Variants in CEP78 observed in about 807,000 individuals in gnomAD.
CEP78 encodes centrosomal protein 78, also known as centrosomal protein of 78 kDa.
A neutral mutation model predicts 81.2 loss-of-function variants in CEP78; 76 were observed. The observed-to-expected ratio is 0.94, with a 90% CI of 0.78 to 1.13. The LOEUF is 1.13. Among genes scored for constraint, CEP78 ranks in the 50% most tolerant of loss-of-function variants. The probability of loss-of-function intolerance (pLI) is 0.00; values close to 1 mark genes in which losing one functional copy is unlikely to be tolerated. For missense variants in CEP78, 918 were observed against 846.8 expected (o/e 1.08, Z -1.04); for synonymous variants, 293 against 301.4 (o/e 0.97, Z 0.29).
chr9:78,264,241 A>G lies in CEP78; in HGVS notation c.1550A>G (p.Asp517Gly), dbSNP rs780497087. Residue 517 changes from aspartate to glycine, a missense_variant, in exon 13 of 17, where the codon GAT becomes GGT. Physicochemically the swap from Asp to Gly is moderately conservative, Grantham distance 94 (BLOSUM62 -1). Transcript: ENST00000643273. ...TCATTGACAAATATGATCCTGGATG[A>G]TGAAGGTGTTTTGGGCAGCATTGAG... ...AQSLTNMILD[D>G]EGVLGSIENS... The G allele has an allele frequency of 2.5e-6, 4 of 1,611,696 alleles. No individual in the cohort carries two copies. Among genetic ancestry groups the G allele is most frequent in the African/African-American group, 1.3e-5 (1 of 74,664 alleles).
intron 5 of CEP78, 95 bp downstream of exon 5, chr9:78,243,731 TAA>T: frequency 2.2e-6 from 2 of 915,962 alleles, no homozygotes; most frequent in Non-Finnish European, 3.1e-6. Flanking sequence ...GAAGGTTTTT[TAA>T]AAAGCCTCTT....
Position 78,262,901 on chromosome 9 carries a change from T to C in CEP78, c.1381-6T>C. On this transcript the variant is annotated splice_region_variant and splice_polypyrimidine_tract_variant and intron_variant, in intron 11 of 16. Transcript: ENST00000643273. ...TTATAATATTTACTTTATTACTTAA[T>C]ACTAGGAAAAACTGGAGGAGTGCCT... is the stretch of plus-strand genomic sequence containing the variant. 6.7e-7 allele frequency: 1 copy of C among 1,489,146 alleles called. No homozygotes were observed. The highest frequency in any genetic ancestry group is 9.1e-7 in the Non-Finnish European group (1 of 1,099,488). 92.2% of individuals were successfully genotyped at this position (1,489,146 alleles called of 1,614,324 possible). A position where few individuals can be genotyped will look rare whatever the true frequency, so the allele number is the denominator to read the frequency against.
Position 78,279,302 on chromosome 9 carries a change from T to C in CEP78, c.*8451T>C, listed in dbSNP as rs1827861204. ...GATAATCCTAGCTTAAATGATAAAA[T>C]TTGAGTAGAGTTTGAAAACACTAAA... is the stretch of plus-strand genomic sequence containing the variant. On this transcript the variant is annotated 3_prime_UTR_variant, in exon 17 of 17. Coordinates refer to ENST00000643273, the MANE Select transcript of CEP78 (RefSeq NM_001330691.3). 6.6e-6 allele frequency: 1 copy of C among 152,162 alleles called. No individual in the cohort carries two copies. Among genetic ancestry groups the C allele is most frequent in the Admixed American group, 6.5e-5 (1 of 15,280 alleles). 9.4% of individuals were successfully genotyped at this position (152,162 alleles called of 1,614,324 possible).
In CEP78 at chr9:78,265,881, C is replaced by G. The variant is rs1336846631; in HGVS notation, c.1820C>G (p.Ala607Gly). The G allele has an allele frequency of 2.9e-6, 4 of 1,399,676 alleles. No individual in the cohort carries two copies. The highest frequency in any genetic ancestry group is 2.9e-5 in the African/African-American group (2 of 70,022). The allele number at this position is 1,399,676 out of a possible 1,614,324, so 86.7% of individuals were successfully genotyped here. A position where few individuals can be genotyped will look rare whatever the true frequency, so the allele number is the denominator to read the frequency against. The change falls in exon 15 of 17, where the codon GCT becomes GGT. Residue 607 changes from alanine to glycine, a missense_variant. Transcript: ENST00000643273. ...TAGGTTTCTATTTGTATGCAGTCAGCTTACAATGAAGGAACACTAATGAAG... is the reference window on the plus strand; with the variant it reads ...TAGGTTTCTATTTGTATGCAGTCAGGTTACAATGAAGGAACACTAATGAAG... Reference protein sequence around the residue: ...NIQVSICMQSAYNEGTLMKFQ... With the variant: ...NIQVSICMQSGYNEGTLMKFQ...
intron 5 of CEP78, among the ~76,000 whole-genome samples, chr9:78,244,403 C>T (rs1826384758): frequency 6.6e-6 from 1 of 152,116 alleles, no homozygotes; most frequent in African/African-American, 2.4e-5. Flanking sequence ...GCTGGGATTC[C>T]AGGCATGAGC....
rs1252685411 is a variant in CEP78 at position 78,272,374 on chromosome 9, A to G, written c.*1523A>G. 6.6e-6 allele frequency: 1 copy of G among 152,252 alleles called. No homozygotes were observed. The highest frequency in any genetic ancestry group is 1.9e-4 in the East Asian group (1 of 5,196). The allele number at this position is 152,252 out of a possible 1,614,324, so 9.4% of individuals were successfully genotyped here. A position where few individuals can be genotyped will look rare whatever the true frequency, so the allele number is the denominator to read the frequency against. The stretch of plus-strand genomic sequence containing the variant: ...TAAACTGATAAAGATATTGATAAAG[A>G]TATGAGACAAACTACTTCAGCTTTG... On this transcript the variant is annotated 3_prime_UTR_variant, in exon 17 of 17. Transcript: ENST00000643273.
chr9:78,236,410 G>A lies in CEP78; in HGVS notation c.60G>A (p.Glu20=). The A allele has an allele frequency of 6.3e-7, 1 of 1,598,484 alleles. No individual in the cohort carries two copies. Among genetic ancestry groups the A allele is most frequent in the Non-Finnish European group, 8.5e-7 (1 of 1,173,168 alleles). The change falls in exon 1 of 17, where the codon GAG becomes GAA. Residue 20 remains glutamate, a synonymous_variant. Coordinates refer to ENST00000643273, the MANE Select transcript of CEP78 (RefSeq NM_001330691.3). ...DSAADFFSHY[E]YLCALQNSVP... ...CGGCGGACTTCTTCTCCCACTACGA[G>A]TACCTGTGCGCGCTGCAGAACTCGG...
In CEP78 at chr9:78,248,792, G is replaced by A. The variant is rs774484350; in HGVS notation, c.988G>A (p.Glu330Lys). 4.3e-5 allele frequency: 69 copies of A among 1,594,014 alleles called. No homozygotes were observed. Among genetic ancestry groups the A allele is most frequent in the Non-Finnish European group, 5.6e-5 (66 of 1,169,996 alleles). The change falls in exon 8 of 17, where the codon GAA becomes AAA. Residue 330 changes from glutamate (E) to lysine (K), a missense_variant. By Grantham distance (56) the Glu-to-Lys change is moderately conservative. Coordinates refer to ENST00000643273, the MANE Select transcript of CEP78 (RefSeq NM_001330691.3). The part of the protein sequence containing the change: ...YQWITSPSVK[E>K]PSKTAKQKRR... ...GTGGATAACTTCTCCATCAGTGAAG[G>A]AACCATCCAAAACTGCTAAACAGAA...
chr9:78,274,765 A>T lies in CEP78; in HGVS notation c.*3914A>T, dbSNP rs1827767498. On this transcript the variant is annotated 3_prime_UTR_variant, in exon 17 of 17. Coordinates refer to ENST00000643273, the MANE Select transcript of CEP78 (RefSeq NM_001330691.3). The stretch of plus-strand genomic sequence containing the variant: ...ATCTTCTAAATAACTCATTTAAAGG[A>T]GAAATCAAAATAAATTGCAAATTAT... 2 of 152,210 alleles carry T rather than the reference A, an allele frequency of 1.3e-5. No homozygotes were observed. Among genetic ancestry groups the T allele is most frequent in the South Asian group, 2.1e-4 (1 of 4,832 alleles). 9.4% of individuals were successfully genotyped at this position (152,210 alleles called of 1,614,324 possible).
chr9:78,250,409 T>C (rs1050958975), intron 8 of CEP78: 6 of 390,730 alleles, frequency 1.5e-5, no homozygotes, highest in African/African-American at 1.2e-4. Flanking sequence ...TTTTTTCATC[T>C]AACAAGATAA....
chr9:78,242,822 C>T (rs1258366465), intron 4 of CEP78, among the ~76,000 whole-genome samples: 1 of 152,046 alleles, frequency 6.6e-6, no homozygotes, highest in Non-Finnish European at 1.5e-5. Context: ...AAAACTCAAA[C>T]CACCAATTTC....
Position 78,236,132 on chromosome 9 carries a change from A to G in CEP78, c.-219A>G, listed in dbSNP as rs1012831798. The G allele has an allele frequency of 3.7e-6, 2 of 543,006 alleles. No homozygotes were observed. The highest frequency in any genetic ancestry group is 6.4e-6 in the Non-Finnish European group (2 of 310,870). The allele number at this position is 543,006 out of a possible 1,614,324, so 33.6% of individuals were successfully genotyped here. ...GGCGGGCGCCAACTGCTTGGGCCGC[A>G]GGGCGGGAGGCAGCGCGGGAGTGGG... On this transcript the variant is annotated 5_prime_UTR_variant, in exon 1 of 17. Transcript: ENST00000643273.
rs1389362257 is a variant in CEP78, at chr9:78,278,821, C to T, written c.*7970C>T. On this transcript the variant is annotated 3_prime_UTR_variant, in exon 17 of 17. Transcript: ENST00000643273. ...TTCTGGTAATTTTCTTTAGATTTCC[C>T]TTTTCAGAACCCTTTTGTGACACTG... The T allele has an allele frequency of 2.0e-5, 3 of 152,092 alleles. No individual in the cohort carries two copies. Among genetic ancestry groups the T allele is most frequent in the Non-Finnish European group, 4.4e-5 (3 of 68,022 alleles). 9.4% of individuals were successfully genotyped at this position (152,092 alleles called of 1,614,324 possible).
chr9:78,247,325 C>T (rs1488686307), intron 6 of CEP78, among the ~76,000 whole-genome samples: 1 of 152,078 alleles, frequency 6.6e-6, no homozygotes, highest in Non-Finnish European at 1.5e-5. Context: ...GAAAAAGGGA[C>T]ATTTGAACAG....
intron 11 of CEP78, among the ~76,000 whole-genome samples, chr9:78,261,379 T>C (rs771066355): frequency 1.1e-4 from 16 of 152,164 alleles, no homozygotes; most frequent in African/African-American, 3.6e-4. Flanking sequence ...AGAAAAAATA[T>C]AAACTTTTCC....
At chr9:78,252,708 G>T (rs1826825976) in intron 9 of CEP78, among the ~76,000 whole-genome samples, 1 of 152,162 alleles carries the variant, frequency 6.6e-6, no homozygotes, top group Non-Finnish European at 1.5e-5. Context: ...AAATAGGACT[G>T]GAAATAGGTG....
At chr9:78,266,781 C>T in intron 16 of CEP78, 78 bp downstream of exon 16, 13 of 1,551,752 alleles carry the variant, frequency 8.4e-6, no homozygotes, top group Non-Finnish European at 1.1e-5. Flanking sequence ...TCCTGAAAAC[C>T]AGAAAAGCAA....
chr9:78,236,326 C>T lies in CEP78; in HGVS notation c.-25C>T. 6.5e-7 allele frequency: 1 copy of T among 1,542,636 alleles called. No individual in the cohort carries two copies. Among genetic ancestry groups the T allele is most frequent in the East Asian group, 2.4e-5 (1 of 40,958 alleles). On this transcript the variant is annotated 5_prime_UTR_variant, in exon 1 of 17. Coordinates refer to ENST00000643273, the MANE Select transcript of CEP78 (RefSeq NM_001330691.3). ...GCGCGGGCGGCGTCTCCGCGGCGGG[C>T]ATCCCCCGAGGCCGCCCTCGGGCCA...
chr9:78,237,339 C>T (rs1316892590), intron 1 of CEP78, among the ~76,000 whole-genome samples: 1 of 152,034 alleles, frequency 6.6e-6, no homozygotes, highest in Admixed American at 6.6e-5. Context: ...AAATACAAGC[C>T]ATTTGTAAAT....
Sources: allele counts gnomAD v4.1 joint callset (sites outside exome capture counted in the v4.1 genomes callset), GRCh38; gene constraint gnomAD v4.1.1; transcripts MANE v1.5; gene names NCBI Gene and HGNC (gene_info 2026-07-23, HGNC 2026-07-21).